Variants in SNAPIN observed in about 807,000 individuals in gnomAD.
SNAPIN encodes SNARE-associated protein Snapin.
In SNAPIN, 16 loss-of-function variants were observed where a neutral mutation model predicts 15.9. That is an observed-to-expected ratio of 1.01 (90% confidence interval 0.68 to 1.53). SNAPIN has a LOEUF of 1.53. Ranked by LOEUF, SNAPIN falls within the 40% of genes most tolerant of loss-of-function variation. SNAPIN has a pLI of 0.00. For synonymous variants in SNAPIN, 83 were observed against 76.2 expected (o/e 1.09, Z -0.46); for missense variants, 186 against 180.1 (o/e 1.03, Z -0.19).
rs776211252 is a variant in SNAPIN at position 153,661,281 on chromosome 1, C to A, written c.391C>A (p.Pro131Thr). 8.7e-6 allele frequency: 14 copies of A among 1,613,364 alleles called. No individual in the cohort carries two copies. The South Asian group carries it at 1.2e-4, about 14-fold the overall frequency. Residue 131 changes from proline (P) to threonine (T), a missense_variant, in exon 4 of 4, where the codon CCT (proline) becomes ACT (threonine). Physicochemically the swap from Pro to Thr is conservative, Grantham distance 38 (BLOSUM62 -1). Coordinates refer to ENST00000368685, the MANE Select transcript of SNAPIN (RefSeq NM_012437.6). ...AATGCTGGATTCGGGAATTTACCCC[C>A]CTGGCTCCCCAGGCAAATAACAGAT... The part of the protein sequence containing the change: ...RAMLDSGIYP[P>T]GSPGK
At position 153,661,467 on chromosome 1, in the gene SNAPIN, C is replaced by T. The variant is rs1669161136; in HGVS notation, c.*166C>T. The T allele has an allele frequency of 6.2e-6, 3 of 483,976 alleles. No homozygotes were observed. The highest frequency in any genetic ancestry group is 1.1e-5 in the Non-Finnish European group (3 of 266,158). The allele number at this position is 483,976 out of a possible 1,614,324, so 30.0% of individuals were successfully genotyped here. A position where few individuals can be genotyped will look rare whatever the true frequency, so the allele number is the denominator to read the frequency against. On this transcript the variant is annotated 3_prime_UTR_variant, in exon 4 of 4. Coordinates refer to ENST00000368685, the MANE Select transcript of SNAPIN (RefSeq NM_012437.6). ...CGTCTTACCCATTTATGTAGGGGCCCCAGGAAACCTACACACAGCCAGAAT... is the reference window on the plus strand; with the variant it reads ...CGTCTTACCCATTTATGTAGGGGCCTCAGGAAACCTACACACAGCCAGAAT...
At chr1:153,659,225 C>T (rs573748863) in intron 2 of SNAPIN, 41 bp downstream of exon 2, 1 of 1,604,828 alleles carries the variant, frequency 6.2e-7, no homozygotes, top group South Asian at 1.1e-5. Flanking sequence ...CTTCAGCCCA[C>T]TTTCAGGACC....
rs1001338250 is a variant in SNAPIN at position 153,661,628 on chromosome 1, T to A, written c.*327T>A. 1 of 205,482 alleles carries A rather than the reference T, an allele frequency of 4.9e-6. No homozygotes were observed. The allele number at this position is 205,482 out of a possible 1,614,324, so 12.7% of individuals were successfully genotyped here. ...ACTAGTTAACCAGAGGGGCTTCCTT[T>A]GTATGTTACATGCCTGGTTACATGG... On this transcript the variant is annotated 3_prime_UTR_variant, in exon 4 of 4. Coordinates refer to ENST00000368685, the MANE Select transcript of SNAPIN (RefSeq NM_012437.6).
chr1:153,660,572 C>T (rs372828214), intron 3 of SNAPIN, among the ~76,000 whole-genome samples: 40 of 145,840 alleles, frequency 2.7e-4, no homozygotes, highest in African/African-American at 9.5e-4. Flanking sequence ...CACTTGAGCC[C>T]GGGGGACGGA....
At chr1:153,659,116 T>C in intron 1 of SNAPIN, 22 bp from the exon 2 acceptor site, 2 of 1,613,784 alleles carry the variant, frequency 1.2e-6, no homozygotes, top group Non-Finnish European at 1.7e-6. Context: ...CCTGACCTTG[T>C]AGGCCTTGTA....
In SNAPIN at chr1:153,658,780, G is replaced by C. The variant is rs777087315; in HGVS notation, c.37G>C (p.Gly13Arg). 8 of 1,582,690 alleles carry C rather than the reference G, an allele frequency of 5.1e-6. No homozygotes were observed. In the South Asian group the frequency reaches 9.1e-5, roughly 18 times the overall value. Residue 13 changes from glycine to arginine, a missense_variant, in exon 1 of 4, where the codon GGG becomes CGG. Physicochemically the swap from Gly to Arg is moderately radical, Grantham distance 125. Transcript: ENST00000368685. ...TGGTTCCGCCGCTGTATCGGGGGCAGGGACCCCGGTGGCGGGGCCCACAGG... is the reference window on the plus strand; with the variant it reads ...TGGTTCCGCCGCTGTATCGGGGGCACGGACCCCGGTGGCGGGGCCCACAGG... ...GAGSAAVSGA[G>R]TPVAGPTGRD...
At chr1:153,661,064 C>T in intron 3 of SNAPIN, 136 bp from the exon 4 acceptor site, 1 of 605,756 alleles carries the variant, frequency 1.7e-6, no homozygotes, top group South Asian at 1.8e-5. Context: ...GCCACCATGC[C>T]CGGCCTACAT....
intron 1 of SNAPIN, 55 bp from the exon 2 acceptor site, chr1:153,659,083 C>A: frequency 6.3e-7 from 1 of 1,597,084 alleles, no homozygotes; most frequent in South Asian, 1.1e-5. Flanking sequence ...TAGGGGAGTT[C>A]GTTTCCTGAG....
chr1:153,661,080 T>C (rs996839102), intron 3 of SNAPIN, 120 bp from the exon 4 acceptor site: 3 of 709,518 alleles, frequency 4.2e-6, no homozygotes, highest in South Asian at 3.2e-5. Context: ...TACATTCTTA[T>C]ATATACTTTT....
chr1:153,660,033 C>T (rs1669107717), intron 3 of SNAPIN, among the ~76,000 whole-genome samples: 1 of 151,920 alleles, frequency 6.6e-6, no homozygotes, highest in Admixed American at 6.6e-5. Flanking sequence ...CCACACCTGG[C>T]TATTTATTTT....
chr1:153,660,564 C>G (rs184063684), intron 3 of SNAPIN, among the ~76,000 whole-genome samples: 36 of 149,326 alleles, frequency 2.4e-4, no homozygotes, highest in Non-Finnish European at 4.1e-4. Context: ...AGAAGAATCA[C>G]TTGAGCCCGG....
In SNAPIN at chr1:153,658,916, C is replaced by T. The variant is rs373672257; in HGVS notation, c.143+30C>T. The stretch of plus-strand genomic sequence containing the variant: ...CCGGGAGGGAAGTTGGGGGCGGGGC[C>T]TGTCTCTCTGGCTTTGTAGGGGCGG... On this transcript the variant is annotated intron_variant, in intron 1 of 3. Transcript: ENST00000368685. The T allele has an allele frequency of 1.6e-5, 26 of 1,608,000 alleles. No individual in the cohort carries two copies. The Middle Eastern group carries it at 5.0e-4, about 31-fold the overall frequency.
intron 1 of SNAPIN, 96 bp from the exon 2 acceptor site, chr1:153,659,042 G>A (rs1669085832): frequency 6.4e-6 from 10 of 1,554,826 alleles, no homozygotes; most frequent in East Asian, 4.5e-5. Flanking sequence ...GTTCAGCGGA[G>A]GCCGGCTTCT....
chr1:153,660,353 A>G (rs1401722715), intron 3 of SNAPIN, among the ~76,000 whole-genome samples: 2 of 146,028 alleles, frequency 1.4e-5, no homozygotes, highest in Non-Finnish European at 3.0e-5. Context: ...TTTTTTAAAT[A>G]AAAAGACAGG....
At position 153,661,187 on chromosome 1, in the gene SNAPIN, C is replaced by T. The variant is rs1288888664; in HGVS notation, c.310-13C>T. ...CACAGTGGTTAAGATTCCAAACCTT[C>T]CTTGTCTTGTAGGAACGACTGAGAC... On this transcript the variant is annotated splice_polypyrimidine_tract_variant and intron_variant, in intron 3 of 3. Coordinates refer to ENST00000368685, the MANE Select transcript of SNAPIN (RefSeq NM_012437.6). The T allele has an allele frequency of 3.7e-6, 6 of 1,611,372 alleles. No homozygotes were observed. In the Middle Eastern group the frequency reaches 6.6e-4, roughly 178 times the overall value.
At position 153,661,541 on chromosome 1, in the gene SNAPIN, A is replaced by T; in HGVS notation, c.*240A>T. On this transcript the variant is annotated 3_prime_UTR_variant, in exon 4 of 4. Transcript: ENST00000368685. ...AATTATGGCTCTTGCTTCCTTTCACAAATGAGCTGAGGCCTCTACTTTTTT... is the reference window on the plus strand; with the variant it reads ...AATTATGGCTCTTGCTTCCTTTCACTAATGAGCTGAGGCCTCTACTTTTTT... 1 of 336,638 alleles carries T rather than the reference A, an allele frequency of 3.0e-6. No individual in the cohort carries two copies. The highest frequency in any genetic ancestry group is 5.7e-6 in the Non-Finnish European group (1 of 176,326). The allele number at this position is 336,638 out of a possible 1,614,324, so 20.9% of individuals were successfully genotyped here.
At chr1:153,658,670 G>C, upstream of SNAPIN, 3 of 1,443,676 alleles carry the variant, frequency 2.1e-6, no homozygotes, top group Non-Finnish European at 2.7e-6. Context: ...CCCCCTCACG[G>C]GGCGGGGCAG....
At position 153,661,198 on chromosome 1, in the gene SNAPIN, A is replaced by G. The variant is rs201887669; in HGVS notation, c.310-2A>G. On this transcript the variant is annotated splice_acceptor_variant, in intron 3 of 3. Transcript: ENST00000368685. LOFTEE classifies it high-confidence loss of function. ...AGATTCCAAACCTTCCTTGTCTTGTAGGAACGACTGAGACGGCTAAACCAC... is the reference window on the plus strand; with the variant it reads ...AGATTCCAAACCTTCCTTGTCTTGTGGGAACGACTGAGACGGCTAAACCAC... 6.8e-6 allele frequency: 11 copies of G among 1,612,848 alleles called. No individual in the cohort carries two copies. The highest frequency in any genetic ancestry group is 9.3e-6 in the Non-Finnish European group (11 of 1,179,164).
At chr1:153,660,922 C>G (rs987856691) in intron 3 of SNAPIN, among the ~76,000 whole-genome samples, 1 of 152,034 alleles carries the variant, frequency 6.6e-6, no homozygotes. Context: ...CACCCGCCAC[C>G]ATGCCCAGCT....
Sources: allele counts gnomAD v4.1 joint callset (sites outside exome capture counted in the v4.1 genomes callset), GRCh38; gene constraint gnomAD v4.1.1; transcripts MANE v1.5; gene names NCBI Gene and HGNC (gene_info 2026-07-23, HGNC 2026-07-21).